The following CNTNAP5 variants were observed in gnomAD, a reference collection of about 807,000 sequenced individuals.
The protein encoded by CNTNAP5 is contactin associated protein family member 5.
Under a neutral mutation model 150.2 loss-of-function variants are expected in CNTNAP5, and 72 were observed. That is an observed-to-expected ratio of 0.48 (90% CI 0.40 to 0.58). CNTNAP5 has a LOEUF of 0.58. Ranked by LOEUF, CNTNAP5 falls within the 20% of genes least tolerant of loss-of-function variation. The pLI, the probability that CNTNAP5 is intolerant of heterozygous loss-of-function variation, is 0.00. For missense variants in CNTNAP5, 1,636 were observed against 1,626.2 expected, an observed-to-expected ratio of 1.01 and a Z score of -0.10; for synonymous variants, 672 against 619.8, an observed-to-expected ratio of 1.08 and a Z score of -1.25.
intron 10 of CNTNAP5, among the ~76,000 whole-genome samples, chr2:124,560,742 G>A (rs943904448): frequency 6.6e-5 from 10 of 152,064 alleles, no homozygotes; most frequent in Non-Finnish European, 5.9e-5. Context: ...GTTCACGGGT[G>A]CAATGAAGTC....
chr2:124,191,533 AGTC>A (rs1685456807), intron 1 of CNTNAP5, among the ~76,000 whole-genome samples: 1 of 152,226 alleles, frequency 6.6e-6, no homozygotes, highest in Admixed American at 6.5e-5. Context: ...GAAAGAGACA[AGTC>A]AGTTGCCAAA....
At position 124,269,448 on chromosome 2, in the gene CNTNAP5, C is replaced by T. The variant is rs1241389280; in HGVS notation, c.381+27055C>T. Among the ~76,000 whole-genome samples, 7 of 152,164 alleles carry T rather than the reference C, an allele frequency of 4.6e-5. No homozygotes were observed. In the South Asian group the frequency reaches 8.3e-4, roughly 18 times the overall value. Reference sequence around the variant, plus strand: ...ACTGCTTATCTGCTAGTAATGCCTGCGATAAGATATTCAGGGCTCTGTTGA... The same window carrying T: ...ACTGCTTATCTGCTAGTAATGCCTGTGATAAGATATTCAGGGCTCTGTTGA... On this transcript the variant is annotated intron_variant, in intron 3 of 23. Transcript: ENST00000682447.
chr2:124,131,468 G>T (rs1332773809), intron 1 of CNTNAP5, among the ~76,000 whole-genome samples: 2 of 152,184 alleles, frequency 1.3e-5, no homozygotes, highest in Non-Finnish European at 2.9e-5. Flanking sequence ...ATTAGTGACT[G>T]CCAGATGTGG....
chr2:124,911,326 T>A, intron 22 of CNTNAP5, 141 bp from the exon 23 acceptor site: 1 of 643,440 alleles, frequency 1.6e-6, no homozygotes, highest in Non-Finnish European at 2.8e-6. Context: ...TTTTTTGAGT[T>A]CCTTGCAACA....
intron 21 of CNTNAP5, among the ~76,000 whole-genome samples, chr2:124,871,599 C>G (rs1333169814): frequency 6.6e-6 from 1 of 152,112 alleles, no homozygotes; most frequent in African/African-American, 2.4e-5. Context: ...TTCAAAGACT[C>G]ACTGGCACAT....
chr2:124,299,289 G>A (rs1688515325), intron 3 of CNTNAP5, among the ~76,000 whole-genome samples: 1 of 152,058 alleles, frequency 6.6e-6, no homozygotes, highest in Non-Finnish European at 1.5e-5. Context: ...TTTTTACCCG[G>A]CTGTCTCAAC....
At position 124,370,671 on chromosome 2, in the gene CNTNAP5, T is replaced by C. The variant is rs144193148; in HGVS notation, c.382-46772T>C. Among the ~76,000 whole-genome samples the C allele has an allele frequency of 3.4e-4, 52 of 152,236 alleles. 1 individual carries two copies. The East Asian group carries it at 9.1e-3, about 27-fold the overall frequency. ...ATTGATTTGAGATTTGATATCACAA[T>C]TTGATTTACCAGATCCACTGTTTAG... On this transcript the variant is annotated intron_variant, in intron 3 of 23. Transcript: ENST00000682447.
intron 8 of CNTNAP5, among the ~76,000 whole-genome samples, chr2:124,511,852 T>C (rs549869093): frequency 6.6e-6 from 1 of 152,042 alleles, no homozygotes; most frequent in South Asian, 2.1e-4. Context: ...GTTGCTTGCA[T>C]GGTCTTAAAA....
At chr2:124,788,103 T>C (rs1681637487) in intron 17 of CNTNAP5, among the ~76,000 whole-genome samples, 1 of 152,228 alleles carries the variant, frequency 6.6e-6, no homozygotes, top group South Asian at 2.1e-4. Flanking sequence ...ACAAATGTTG[T>C]GTTCTTTAAG....
At chr2:124,762,773 CCT>C (rs1410757591) in intron 14 of CNTNAP5, among the ~76,000 whole-genome samples, 2 of 152,024 alleles carry the variant, frequency 1.3e-5, no homozygotes, top group African/African-American at 4.8e-5. Context: ...TGGCATTGTC[CCT>C]GTCTCTTCTG....
rs374817150 is a variant in CNTNAP5 at position 124,647,810 on chromosome 2, G to A, written c.1929G>A (p.Val643=). 1.2e-6 allele frequency: 2 copies of A among 1,613,496 alleles called. No individual in the cohort carries two copies. The highest frequency in any genetic ancestry group is 1.7e-6 in the Non-Finnish European group (2 of 1,179,652). ...VQHNNTELTR[V]RGANPEKPYA... ...ACAACAATACAGAGCTGACCCGAGT[G>A]CGGGGCGCTAACCCTGAGAAGCCCT... The change falls in exon 13 of 24, where the codon GTG becomes GTA. Residue 643 remains valine (V), a synonymous_variant. Coordinates refer to ENST00000682447, the MANE Select transcript of CNTNAP5 (RefSeq NM_001367498.1).
Position 124,221,158 on chromosome 2 carries a change from G to T in CNTNAP5, c.83-547G>T, listed in dbSNP as rs17011135. 8.7e-3 allele frequency among the ~76,000 whole-genome samples: 1,331 copies of T among 152,214 alleles called. 21 individuals are homozygous for T. Among genetic ancestry groups the T allele is most frequent in the African/African-American group, 0.031 (1,267 of 41,540 alleles). ...CTATTCACTACTGCTTCACGGAATAGAAATAAGTTCTCAGAATAAGTAAAT... is the reference window on the plus strand; with the variant it reads ...CTATTCACTACTGCTTCACGGAATATAAATAAGTTCTCAGAATAAGTAAAT... On this transcript the variant is annotated intron_variant, in intron 1 of 23. Transcript: ENST00000682447.
chr2:124,875,263 C>T (rs543953711), intron 21 of CNTNAP5, among the ~76,000 whole-genome samples: 20 of 152,018 alleles, frequency 1.3e-4, no homozygotes, highest in Non-Finnish European at 2.8e-4. Context: ...ATAGAAAGCA[C>T]AGAAGAATTT....
At chr2:124,196,810 C>T (rs552910397) in intron 1 of CNTNAP5, among the ~76,000 whole-genome samples, 2 of 152,150 alleles carry the variant, frequency 1.3e-5, no homozygotes, top group African/African-American at 2.4e-5. Context: ...TCAAAAGTCC[C>T]GTAACAGTCT....
intron 19 of CNTNAP5, among the ~76,000 whole-genome samples, chr2:124,804,660 C>G (rs1404872350): frequency 2.0e-5 from 3 of 152,128 alleles, no homozygotes; most frequent in Admixed American, 2.0e-4. Flanking sequence ...CGGCCATCCA[C>G]AAGCCAGGAA....
intron 1 of CNTNAP5, among the ~76,000 whole-genome samples, chr2:124,139,930 G>A (rs895832936): frequency 2.0e-5 from 3 of 152,114 alleles, no homozygotes; most frequent in Non-Finnish European, 4.4e-5. Context: ...CAGTGTGTGC[G>A]CGCACCGTGC....
At chr2:124,743,846 A>C (rs1680551825) in intron 13 of CNTNAP5, among the ~76,000 whole-genome samples, 2 of 152,168 alleles carry the variant, frequency 1.3e-5, no homozygotes, top group Admixed American at 1.3e-4. Flanking sequence ...GTGCAGTTTA[A>C]AAACCTAGCC....
intron 6 of CNTNAP5, among the ~76,000 whole-genome samples, chr2:124,447,577 G>A (rs1055398536): frequency 3.9e-5 from 6 of 152,184 alleles, no homozygotes; most frequent in Admixed American, 1.3e-4. Flanking sequence ...GGCCATAAAT[G>A]TCCAGTCTCT....
chr2:124,324,242 C>G (rs1689164390), intron 3 of CNTNAP5, among the ~76,000 whole-genome samples: 1 of 151,990 alleles, frequency 6.6e-6, no homozygotes. Context: ...TCTATTTCAC[C>G]CTGAAGACCT....
Sources: gnomAD v4.1 joint callset for allele counts (sites outside exome capture counted in the v4.1 genomes callset) on GRCh38, gnomAD v4.1.1 for gene constraint, MANE v1.5 for transcripts, NCBI Gene and HGNC (gene_info 2026-07-23, HGNC 2026-07-21) for gene names.